SH2D3C: variants seen among roughly 807,000 people sequenced by gnomAD.
SH2D3C encodes SH2 domain-containing protein 3C.
A neutral mutation model predicts 75.2 loss-of-function variants in SH2D3C; 25 were observed. The observed-to-expected ratio is 0.33, with a 90% CI of 0.24 to 0.46. SH2D3C has a LOEUF of 0.46. SH2D3C is among the 20% of genes least tolerant of loss of function. The pLI is 1.00. For synonymous variants in SH2D3C, 450 were observed against 473.7 expected (o/e 0.95, Z 0.65); for missense variants, 933 against 1,165.3 (o/e 0.80, Z 2.90).
intron 4 of SH2D3C, among the ~76,000 whole-genome samples, chr9:127,750,313 C>T (rs1251439620): frequency 1.3e-5 from 2 of 152,142 alleles, no homozygotes; most frequent in East Asian, 1.9e-4. Context: ...TGCCACCATG[C>T]CTGGCTAATT....
At chr9:127,748,433 C>T (rs956099157) in intron 5 of SH2D3C, among the ~76,000 whole-genome samples, 2 of 152,222 alleles carry the variant, frequency 1.3e-5, no homozygotes, top group Non-Finnish European at 2.9e-5. Flanking sequence ...TGGCACAGGA[C>T]AGCAGATCTC....
chr9:127,771,365 A>G (rs1202006476), intron 2 of SH2D3C: 9 of 1,351,724 alleles, frequency 6.7e-6, no homozygotes, highest in Middle Eastern at 5.4e-4. Flanking sequence ...ACGCCCCCAG[A>G]CACGCCCCTG....
rs907027541 is a variant in SH2D3C, at chr9:127,738,680, G to C, written c.*66C>G. On this transcript the variant is annotated 3_prime_UTR_variant, in exon 12 of 12. Coordinates refer to ENST00000314830, the MANE Select transcript of SH2D3C (RefSeq NM_170600.3). The surrounding 1 kb of genome is among the most constrained non-coding windows in gnomAD (Gnocchi z 5.0). ...ATCACAGTGTCCTTGGGGTGCTCTG[G>C]GGAAAGTTGTGTGCCCCTCTGCCCC... The C allele has an allele frequency of 2.6e-5, 38 of 1,461,550 alleles. 1 individual carries two copies. In the South Asian group the frequency reaches 4.8e-4, roughly 18 times the overall value. The allele number at this position is 1,461,550 out of a possible 1,614,324, so 90.5% of individuals were successfully genotyped here.
chr9:127,755,312 G>T, intron 3 of SH2D3C: 3 of 998,432 alleles, frequency 3.0e-6, no homozygotes, highest in Non-Finnish European at 3.8e-6. Context: ...GGGGAGGCGG[G>T]GCGGGGAGAC....
chr9:127,771,918 G>A (rs911455107), intron 2 of SH2D3C, among the ~76,000 whole-genome samples: 9 of 152,310 alleles, frequency 5.9e-5, no homozygotes, highest in African/African-American at 2.2e-4. Flanking sequence ...GATTTTACAG[G>A]TATGTTATTC....
intron 2 of SH2D3C, chr9:127,771,348 G>A: frequency 2.2e-6 from 3 of 1,373,300 alleles, no homozygotes; most frequent in South Asian, 1.7e-5. Flanking sequence ...AGACTGACCT[G>A]TAGACCACGC....
intron 5 of SH2D3C, among the ~76,000 whole-genome samples, chr9:127,747,738 C>T (rs1454410497): frequency 6.6e-6 from 1 of 152,080 alleles, no homozygotes; most frequent in Non-Finnish European, 1.5e-5. Flanking sequence ...TGGGGTTTCA[C>T]CATGTTGGCC....
chr9:127,754,749 C>T lies in SH2D3C; in HGVS notation c.556-3449G>A, dbSNP rs1845310722. ...CAGCCGCAAGGGCCAGCGTACCAGG[C>T]GGAGGACCGGCAGGACGCCGGAGAC... On this transcript the variant is annotated intron_variant, in intron 3 of 11. Transcript: ENST00000314830. The surrounding 1 kb of genome is among the most constrained non-coding windows in gnomAD (Gnocchi z 4.4). The T allele has an allele frequency of 2.2e-6, 1 of 460,736 alleles. No individual in the cohort carries two copies. The highest frequency in any genetic ancestry group is 2.0e-5 in the African/African-American group (1 of 49,870). 28.5% of individuals were successfully genotyped at this position (460,736 alleles called of 1,614,324 possible).
chr9:127,740,427 G>C lies in SH2D3C; in HGVS notation c.2089-58C>G, dbSNP rs1057295396. The C allele has an allele frequency of 6.4e-6, 8 of 1,252,866 alleles. No individual in the cohort carries two copies. In the African/African-American group the frequency reaches 1.2e-4, roughly 19 times the overall value. 77.6% of individuals were successfully genotyped at this position (1,252,866 alleles called of 1,614,324 possible). A position where few individuals can be genotyped will look rare whatever the true frequency, so the allele number is the denominator to read the frequency against. On this transcript the variant is annotated intron_variant, in intron 9 of 11. Coordinates refer to ENST00000314830, the MANE Select transcript of SH2D3C (RefSeq NM_170600.3). ...GCAGAGGGCCTGCAGGGGCCACCCT[G>C]CTGCCCTGCTGAGTGGACACCCAGA...
chr9:127,772,329 T>C (rs1845752613), intron 2 of SH2D3C, among the ~76,000 whole-genome samples: 1 of 148,396 alleles, frequency 6.7e-6, no homozygotes, highest in Non-Finnish European at 1.5e-5. Context: ...CTGCAACCTC[T>C]GCCTCCCAGG....
intron 2 of SH2D3C, chr9:127,771,445 G>T (rs1355387526): frequency 5.1e-6 from 6 of 1,181,568 alleles, no homozygotes; most frequent in Non-Finnish European, 6.6e-6. Context: ...CCTCGAACAC[G>T]GCCCTCCGCC....
chr9:127,775,730 A>T (rs2131813361), intron 1 of SH2D3C, among the ~76,000 whole-genome samples: 1 of 151,824 alleles, frequency 6.6e-6, no homozygotes, highest in East Asian at 2.0e-4. Context: ...GGATCGCTTG[A>T]AACCAGGAGT....
At chr9:127,742,999 G>T in intron 7 of SH2D3C, 35 bp from the exon 8 acceptor site, 1 of 1,523,990 alleles carries the variant, frequency 6.6e-7, no homozygotes, top group Non-Finnish European at 9.1e-7. Context: ...TTAATATCCT[G>T]TCAGGGCTGG....
intron 2 of SH2D3C, chr9:127,767,408 T>A: frequency 9.3e-7 from 1 of 1,075,036 alleles, no homozygotes. Flanking sequence ...CTGCTCAGAC[T>A]AGAACCAGAT....
Position 127,778,537 on chromosome 9 carries a change from G to C in SH2D3C, c.37+54C>G. 6 of 1,267,150 alleles carry C rather than the reference G, an allele frequency of 4.7e-6. No homozygotes were observed. In the South Asian group the frequency reaches 7.1e-5, roughly 15 times the overall value. 78.5% of individuals were successfully genotyped at this position (1,267,150 alleles called of 1,614,324 possible). A position where few individuals can be genotyped will look rare whatever the true frequency, so the allele number is the denominator to read the frequency against. ...TGATGAAGAAACAGATGCAGAGAGA[G>C]GCCCAGAGGAGAGCCAGGGATGGAG... On this transcript the variant is annotated intron_variant, in intron 1 of 11. Transcript: ENST00000314830.
intron 4 of SH2D3C, among the ~76,000 whole-genome samples, chr9:127,750,608 A>G (rs908404186): frequency 6.6e-6 from 1 of 152,200 alleles, no homozygotes; most frequent in Non-Finnish European, 1.5e-5. Context: ...ACCCTGGGCC[A>G]TTAGCCATCA....
rs1394018222 is a variant in SH2D3C, at chr9:127,751,787, G to A, written c.556-487C>T. Among the ~76,000 whole-genome samples the A allele has an allele frequency of 6.6e-6, 1 of 152,190 alleles. No individual in the cohort carries two copies. The highest frequency in any genetic ancestry group is 1.5e-5 in the Non-Finnish European group (1 of 68,032). Reference sequence around the variant, plus strand: ...AAACTGTTCTTGAAGTGTTGGAGGGGGATTTCTACAGGTGAATCTTGGAGG... The same window carrying A: ...AAACTGTTCTTGAAGTGTTGGAGGGAGATTTCTACAGGTGAATCTTGGAGG... On this transcript the variant is annotated intron_variant, in intron 3 of 11. Coordinates refer to ENST00000314830, the MANE Select transcript of SH2D3C (RefSeq NM_170600.3). This position sits in a 1 kb window ranked among gnomAD's most constrained non-coding sequence, Gnocchi z 4.1.
Position 127,749,622 on chromosome 9 carries a change from C to T in SH2D3C, c.728G>A (p.Arg243Gln). 6.3e-7 allele frequency: 1 copy of T among 1,585,870 alleles called. No individual in the cohort carries two copies. Among genetic ancestry groups the T allele is most frequent in the Non-Finnish European group, 8.6e-7 (1 of 1,167,600 alleles). The change falls in exon 5 of 12, where the codon CGG becomes CAG. Residue 243 changes from arginine to glutamine, a missense_variant. Transcript: ENST00000314830. This position sits in a 1 kb window ranked among gnomAD's most constrained non-coding sequence, Gnocchi z 5.9. ...GTCGCCCAGGCTGGTGAGTGAGTCC[C>T]GGATGAGGAAGTCGCCGTTGCGTTG... ...LVQRNGDFLIRDSLTSLGDYV... is the reference protein window; with the variant it reads ...LVQRNGDFLIQDSLTSLGDYV...
rs1845778273 is a variant in SH2D3C, at chr9:127,774,273, C to T, written c.232G>A (p.Gly78Ser). 1.2e-6 allele frequency: 2 copies of T among 1,614,078 alleles called. No individual in the cohort carries two copies. Among genetic ancestry groups the T allele is most frequent in the East Asian group, 2.2e-5 (1 of 44,882 alleles). The stretch of plus-strand genomic sequence containing the variant: ...TTGATGCTGGGGCGAGGCATGGTGC[C>T]CATGTGGCTGTACATGTCACTGGAG... Reference protein sequence around the residue: ...ARSSDMYSHMGTMPRPSIKKA... With the variant: ...ARSSDMYSHMSTMPRPSIKKA... Residue 78 changes from glycine (G) to serine (S), a missense_variant, in exon 2 of 12, where the codon GGC becomes AGC. Gly to Ser is a moderately conservative substitution (Grantham distance 56). Transcript: ENST00000314830. This position sits in a 1 kb window ranked among gnomAD's most constrained non-coding sequence, Gnocchi z 4.3.
Sources: gnomAD v4.1 joint callset for allele counts (sites outside exome capture counted in the v4.1 genomes callset) on GRCh38, gnomAD v4.1.1 for gene constraint, Gnocchi (gnomAD v3.1) non-coding constraint, MANE v1.5 for transcripts, NCBI Gene and HGNC (gene_info 2026-07-23, HGNC 2026-07-21) for gene names.